GRIP1: variants seen among roughly 807,000 people sequenced by gnomAD.
The protein encoded by GRIP1 is glutamate receptor-interacting protein 1.
GRIP1 carries 45 observed loss-of-function variants against 129.9 expected under a neutral mutation model. The ratio of observed to expected loss-of-function variants is 0.35; its 90% confidence interval spans 0.27 to 0.44. GRIP1 has a LOEUF of 0.44. Ranked by LOEUF, GRIP1 falls within the 20% of genes least tolerant of loss-of-function variation. The pLI, the probability that GRIP1 is intolerant of heterozygous loss-of-function variation, is 1.00. For synonymous variants in GRIP1, 530 were observed against 520.8 expected (o/e 1.02, Z -0.24); for missense variants, 1,196 against 1,396.8 (o/e 0.86, Z 2.29).
chr12:66,614,249 C>T (rs1174355514), intron 1 of GRIP1, among the ~76,000 whole-genome samples: 1 of 152,068 alleles, frequency 6.6e-6, no homozygotes, highest in Non-Finnish European at 1.5e-5. Flanking sequence ...CCATGACCTC[C>T]CCACTGAACT....
At chr12:66,719,491 T>C (rs1169074656) in intron 1 of GRIP1, among the ~76,000 whole-genome samples, 4 of 152,290 alleles carry the variant, frequency 2.6e-5, no homozygotes, top group Non-Finnish European at 5.9e-5. Flanking sequence ...TAGGAACTTA[T>C]TGTAAATCCC....
intron 1 of GRIP1, among the ~76,000 whole-genome samples, chr12:66,742,005 C>G (rs908764384): frequency 6.6e-6 from 1 of 152,194 alleles, no homozygotes; most frequent in Non-Finnish European, 1.5e-5. Flanking sequence ...GTCAACAGCT[C>G]ACAATACTAA....
intron 1 of GRIP1, among the ~76,000 whole-genome samples, chr12:66,726,977 A>G (rs2036275181): frequency 1.3e-5 from 2 of 152,222 alleles, no homozygotes; most frequent in African/African-American, 4.8e-5. Context: ...AACTGACCAA[A>G]TCATTTATAT....
At chr12:66,770,694 T>C (rs1029579029) in intron 1 of GRIP1, among the ~76,000 whole-genome samples, 2 of 152,216 alleles carry the variant, frequency 1.3e-5, no homozygotes, top group Non-Finnish European at 2.9e-5. Flanking sequence ...AACTTTACTC[T>C]GTCATAGAGA....
At chr12:66,897,249 T>C (rs1566069219) in intron 1 of GRIP1, among the ~76,000 whole-genome samples, 1 of 152,166 alleles carries the variant, frequency 6.6e-6, no homozygotes, top group Non-Finnish European at 1.5e-5. Context: ...GAAAGAGCTA[T>C]AAGCGCTCAC....
chr12:66,636,287 G>C (rs2031356751), intron 1 of GRIP1, among the ~76,000 whole-genome samples: 1 of 152,068 alleles, frequency 6.6e-6, no homozygotes, highest in Non-Finnish European at 1.5e-5. Flanking sequence ...TTAATAGGTA[G>C]AGTTTCAGCT....
At chr12:66,594,817 T>A (rs2063985406) in intron 2 of GRIP1, among the ~76,000 whole-genome samples, 1 of 152,214 alleles carries the variant, frequency 6.6e-6, no homozygotes, top group South Asian at 2.1e-4. Flanking sequence ...GGGTTTCACC[T>A]CTCTTTAAGT....
intron 9 of GRIP1, among the ~76,000 whole-genome samples, chr12:66,462,673 T>A (rs2059166801): frequency 1.3e-5 from 2 of 151,408 alleles, no homozygotes; most frequent in South Asian, 4.2e-4. Context: ...ATGGTGGCGG[T>A]CACCTGTAAT....
chr12:66,726,634 C>T (rs1252698301), intron 1 of GRIP1, among the ~76,000 whole-genome samples: 1 of 152,198 alleles, frequency 6.6e-6, no homozygotes, highest in Non-Finnish European at 1.5e-5. Context: ...CCTCTATCAA[C>T]CAATGAAGCA....
At chr12:66,732,172 GTC>G (rs1049501561) in intron 1 of GRIP1, among the ~76,000 whole-genome samples, 5 of 151,728 alleles carry the variant, frequency 3.3e-5, no homozygotes, top group African/African-American at 1.2e-4. Flanking sequence ...TACCTCTTCT[GTC>G]TCTGCAACTT....
chr12:66,965,329 T>G (rs1179095936), intron 1 of GRIP1, among the ~76,000 whole-genome samples: 1 of 152,130 alleles, frequency 6.6e-6, no homozygotes, highest in Non-Finnish European at 1.5e-5. Context: ...CTGATTACTC[T>G]CTAACACCTT....
At chr12:66,423,439 T>C (rs1384756560) in intron 14 of GRIP1, among the ~76,000 whole-genome samples, 1 of 152,240 alleles carries the variant, frequency 6.6e-6, no homozygotes, top group Non-Finnish European at 1.5e-5. Flanking sequence ...ATTTCCCATT[T>C]GCCTCTATCC....
intron 1 of GRIP1, among the ~76,000 whole-genome samples, chr12:66,839,456 AGTTT>A (rs1482593466): frequency 1.3e-5 from 2 of 152,186 alleles, no homozygotes; most frequent in Non-Finnish European, 2.9e-5. Flanking sequence ...TTCATCTGTG[AGTTT>A]ATTTTATAAT....
At chr12:66,726,646 C>G (rs577247364) in intron 1 of GRIP1, among the ~76,000 whole-genome samples, 89 of 152,316 alleles carry the variant, frequency 5.8e-4, no homozygotes, top group African/African-American at 1.3e-3. Flanking sequence ...AATGAAGCAG[C>G]CTGTCATGCA....
chr12:67,005,344 C>T (rs573956225), intron 1 of GRIP1, among the ~76,000 whole-genome samples: 1 of 152,252 alleles, frequency 6.6e-6, no homozygotes, highest in East Asian at 1.9e-4. Context: ...GTTGATATGT[C>T]AAAAACTACG....
At chr12:66,473,434 C>G (rs570814527) in intron 7 of GRIP1, among the ~76,000 whole-genome samples, 1 of 152,334 alleles carries the variant, frequency 6.6e-6, no homozygotes, top group East Asian at 1.9e-4. Flanking sequence ...CCTGCTGGCT[C>G]TGAAGAGAGC....
intron 1 of GRIP1, among the ~76,000 whole-genome samples, chr12:66,893,631 TC>T (rs1430342478): frequency 2.0e-5 from 3 of 152,216 alleles, no homozygotes; most frequent in Non-Finnish European, 4.4e-5. Flanking sequence ...TGGGGTTATT[TC>T]TGATTTGGGA....
chr12:66,555,362 T>G (rs1042930834), intron 2 of GRIP1, among the ~76,000 whole-genome samples: 6 of 152,198 alleles, frequency 3.9e-5, no homozygotes, highest in African/African-American at 1.4e-4. Flanking sequence ...TGCCCCCTAA[T>G]GCAGATATGG....
At chr12:66,672,337 C>T (rs903329047) in intron 1 of GRIP1, among the ~76,000 whole-genome samples, 1 of 152,032 alleles carries the variant, frequency 6.6e-6, no homozygotes, top group Non-Finnish European at 1.5e-5. Context: ...TCTAATACCC[C>T]GAGCTTTGCC....
Sources: allele counts gnomAD v4.1 joint callset (sites outside exome capture counted in the v4.1 genomes callset), GRCh38; gene constraint gnomAD v4.1.1; transcripts MANE v1.5; gene names NCBI Gene and HGNC (gene_info 2026-07-23, HGNC 2026-07-21).